The following RXRA variants were observed in gnomAD, a reference collection of about 807,000 sequenced individuals.
RXRA encodes the protein retinoid X receptor alpha.
RXRA carries 5 observed loss-of-function variants against 44.5 expected under a neutral mutation model. The ratio of observed to expected loss-of-function variants is 0.11; its 90% CI spans 0.06 to 0.24. The LOEUF is 0.24. RXRA is among the 10% of genes least tolerant of loss of function. The pLI is 1.00. For synonymous variants in RXRA, 291 were observed against 271.4 expected, an observed-to-expected ratio of 1.07 and a Z score of -0.71; for missense variants, 412 against 646.5, an observed-to-expected ratio of 0.64 and a Z score of 3.93.
chr9:134,351,101 G>C lies in RXRA; in HGVS notation c.28+24442G>C, dbSNP rs565427487. Among the ~76,000 whole-genome samples the C allele has an allele frequency of 5.9e-5, 9 of 152,350 alleles. No individual in the cohort carries two copies. The East Asian group carries it at 1.5e-3, about 26-fold the overall frequency. On this transcript the variant is annotated intron_variant, in intron 1 of 9. Coordinates refer to ENST00000481739, the MANE Select transcript of RXRA (RefSeq NM_002957.6). ...AACACCGCATTGTGAGGAAGCGCTG[G>C]CTGCAGGGGGCTGAGCCCTCTGAAT...
chr9:134,393,762 C>T (rs1176455037), intron 1 of RXRA, among the ~76,000 whole-genome samples: 7 of 152,170 alleles, frequency 4.6e-5, no homozygotes. Flanking sequence ...GCACTGACTG[C>T]TCATGGGGAG....
At chr9:134,328,634 C>T (rs568981137) in intron 1 of RXRA, among the ~76,000 whole-genome samples, 12 of 152,296 alleles carry the variant, frequency 7.9e-5, no homozygotes, top group South Asian at 2.1e-4. Flanking sequence ...CCAGAGCAGT[C>T]GAAGGTCCAT....
At chr9:134,328,309 C>T (rs547311116) in intron 1 of RXRA, among the ~76,000 whole-genome samples, 3 of 152,166 alleles carry the variant, frequency 2.0e-5, no homozygotes, top group Non-Finnish European at 4.4e-5. Context: ...GTCCCTGTTT[C>T]TAATGCTCCG....
intron 1 of RXRA, among the ~76,000 whole-genome samples, chr9:134,351,936 C>G (rs1331297369): frequency 2.0e-5 from 3 of 152,116 alleles, no homozygotes; most frequent in Non-Finnish European, 4.4e-5. Context: ...TGCACGTGTG[C>G]GTGCATGTGG....
chr9:134,428,893 G>C (rs1249080028), intron 6 of RXRA, among the ~76,000 whole-genome samples: 3 of 152,214 alleles, frequency 2.0e-5, no homozygotes, highest in Non-Finnish European at 4.4e-5. Flanking sequence ...ACTTTGTGTG[G>C]GACTTCTCAG....
intron 1 of RXRA, among the ~76,000 whole-genome samples, chr9:134,334,941 G>T (rs1193436257): frequency 3.3e-5 from 5 of 152,234 alleles, no homozygotes; most frequent in African/African-American, 1.2e-4. Context: ...TAATGGGGAA[G>T]AGGTGGCCTG....
At chr9:134,339,895 CTG>C (rs1329785613) in intron 1 of RXRA, among the ~76,000 whole-genome samples, 5 of 151,212 alleles carry the variant, frequency 3.3e-5, no homozygotes, top group East Asian at 1.9e-4. Flanking sequence ...TTGTGTGAGC[CTG>C]TGTGTGTCTG....
chr9:134,424,815 T>C, intron 6 of RXRA: 2 of 985,462 alleles, frequency 2.0e-6, no homozygotes, highest in Non-Finnish European at 2.4e-6. Context: ...TCAGGATCCA[T>C]GGCTGTAGCC....
intron 6 of RXRA, chr9:134,422,592 A>ACTCCCCTCTCCCGGGACG: frequency 2.2e-6 from 2 of 891,964 alleles, no homozygotes; most frequent in Non-Finnish European, 2.6e-6. Context: ...CTCCCGGGAC[A>ACTCCCCTCTCCCGGGACG]CTCCCCGCTC....
chr9:134,417,464 G>A lies in RXRA; in HGVS notation c.780+137G>A. The A allele has an allele frequency of 1.9e-6, 2 of 1,027,120 alleles. No homozygotes were observed. Among genetic ancestry groups the A allele is most frequent in the Non-Finnish European group, 2.8e-6 (2 of 712,692 alleles). 63.6% of individuals were successfully genotyped at this position (1,027,120 alleles called of 1,614,324 possible). A position where few individuals can be genotyped will look rare whatever the true frequency, so the allele number is the denominator to read the frequency against. On this transcript the variant is annotated intron_variant, in intron 5 of 9. Coordinates refer to ENST00000481739, the MANE Select transcript of RXRA (RefSeq NM_002957.6). The surrounding 1 kb of genome is among the most constrained non-coding windows in gnomAD (Gnocchi z 6.1). ...TGGGCCCTGTGGCTGCCTCAGCTCGGCCTCTTACCTGAGGTGACCCCGTGG... is the reference window on the plus strand; with the variant it reads ...TGGGCCCTGTGGCTGCCTCAGCTCGACCTCTTACCTGAGGTGACCCCGTGG...
At chr9:134,424,842 G>A (rs1831406436) in intron 6 of RXRA, 5 of 985,460 alleles carry the variant, frequency 5.1e-6, no homozygotes, top group Non-Finnish European at 6.0e-6. Flanking sequence ...GGGACCAGGG[G>A]TGATCCTGCT....
chr9:134,425,542 AGGGTGGG>A, intron 6 of RXRA: 4 of 279,184 alleles, frequency 1.4e-5, no homozygotes, highest in Non-Finnish European at 1.7e-5. Flanking sequence ...GCGTGGCGGC[AGGGTGGG>A]GGGTGGGGGG....
chr9:134,340,536 C>A (rs1830073704), intron 1 of RXRA, among the ~76,000 whole-genome samples: 1 of 152,288 alleles, frequency 6.6e-6, no homozygotes, highest in African/African-American at 2.4e-5. Flanking sequence ...CGGCTCACTG[C>A]CTGCCCTCTG....
chr9:134,337,805 G>A (rs1830029274), intron 1 of RXRA, among the ~76,000 whole-genome samples: 1 of 152,074 alleles, frequency 6.6e-6, no homozygotes, highest in Non-Finnish European at 1.5e-5. Flanking sequence ...GCCTCCCTCT[G>A]GGGGGTCGCC....
chr9:134,339,601 G>A (rs1008141860), intron 1 of RXRA, among the ~76,000 whole-genome samples: 5 of 150,402 alleles, frequency 3.3e-5, no homozygotes, highest in South Asian at 2.1e-4. Context: ...GAGCCTGTGC[G>A]TGTGTTTCTG....
chr9:134,380,238 C>T, intron 1 of RXRA: 2 of 967,664 alleles, frequency 2.1e-6, no homozygotes, highest in East Asian at 2.3e-4. Flanking sequence ...ACGCCGATCC[C>T]AGGATGGGAG....
At position 134,365,990 on chromosome 9, in the gene RXRA, C is replaced by G. The variant is rs973494046; in HGVS notation, c.29-35642C>G. 4.6e-5 allele frequency among the ~76,000 whole-genome samples: 7 copies of G among 152,132 alleles called. No homozygotes were observed. The highest frequency in any genetic ancestry group is 1.7e-4 in the African/African-American group (7 of 41,420). On this transcript the variant is annotated intron_variant, in intron 1 of 9. Coordinates refer to ENST00000481739, the MANE Select transcript of RXRA (RefSeq NM_002957.6). The surrounding 1 kb of genome is among the most constrained non-coding windows in gnomAD (Gnocchi z 4.0). ...GACCCCTAGGAGCCGCCTGTCTTTG[C>G]AGGAGCCGCGGGGATCATCTGGCGG...
At chr9:134,328,743 C>T (rs781903933) in intron 1 of RXRA, among the ~76,000 whole-genome samples, 5 of 152,182 alleles carry the variant, frequency 3.3e-5, no homozygotes, top group Non-Finnish European at 4.4e-5. Flanking sequence ...CCCGGCTGGC[C>T]GACCGGTCAG....
rs1831247471 is a variant in RXRA, at chr9:134,417,150, G to T, written c.611-8G>T. On this transcript the variant is annotated splice_region_variant and splice_polypyrimidine_tract_variant and intron_variant, in intron 4 of 9. Coordinates refer to ENST00000481739, the MANE Select transcript of RXRA (RefSeq NM_002957.6). This position sits in a 1 kb window ranked among gnomAD's most constrained non-coding sequence, Gnocchi z 6.1. ...GCGTGGGGCTCACCTGCGCCTCCCGGGTTGTAGCCGTGCAGGAGGAGCGGC... is the reference window on the plus strand; with the variant it reads ...GCGTGGGGCTCACCTGCGCCTCCCGTGTTGTAGCCGTGCAGGAGGAGCGGC... 2 of 1,608,936 alleles carry T rather than the reference G, an allele frequency of 1.2e-6. No individual in the cohort carries two copies. Among genetic ancestry groups the T allele is most frequent in the Non-Finnish European group, 1.7e-6 (2 of 1,179,056 alleles).
Sources: allele counts gnomAD v4.1 joint callset (sites outside exome capture counted in the v4.1 genomes callset), GRCh38; gene constraint gnomAD v4.1.1; non-coding constraint Gnocchi (gnomAD v3.1); transcripts MANE v1.5; gene names NCBI Gene and HGNC (gene_info 2026-07-23, HGNC 2026-07-21).